IL12RB1: variants seen among roughly 807,000 people sequenced by gnomAD.
The protein encoded by IL12RB1 is interleukin 12 receptor subunit beta 1.
A neutral mutation model predicts 94.4 loss-of-function variants in IL12RB1; 64 were observed. The ratio of observed to expected loss-of-function variants is 0.68; its 90% CI spans 0.55 to 0.83. The LOEUF is 0.83. Ranked by LOEUF, IL12RB1 falls within the 40% of genes least tolerant of loss-of-function variation. The probability of loss-of-function intolerance (pLI) is 0.00; values close to 1 mark genes in which losing one functional copy is unlikely to be tolerated. For synonymous variants in IL12RB1, 362 were observed against 355.5 expected, an observed-to-expected ratio of 1.02 and a Z score of -0.21; for missense variants, 814 against 855.6, an observed-to-expected ratio of 0.95 and a Z score of 0.61.
intron 12 of IL12RB1, among the ~76,000 whole-genome samples, chr19:18,065,711 T>A (rs1196517633): frequency 6.6e-6 from 1 of 151,796 alleles, no homozygotes; most frequent in Non-Finnish European, 1.5e-5. Context: ...CCCAGCTACT[T>A]GGGAGGCTGA....
chr19:18,086,975 C>T (rs1316479456), upstream of IL12RB1: 2 of 1,506,810 alleles, frequency 1.3e-6, no homozygotes, highest in Admixed American at 2.0e-5. Flanking sequence ...TGTCACAGCC[C>T]ATCCCTAAGG....
In IL12RB1 at chr19:18,068,531, AAG is replaced by A. The variant is rs771616497; in HGVS notation, c.1190-7_1190-6del. 33 of 1,611,788 alleles carry A rather than the reference AAG, an allele frequency of 2.0e-5. No individual in the cohort carries two copies. The highest frequency in any genetic ancestry group is 8.8e-5 in the South Asian group (8 of 91,036). On this transcript the variant is annotated splice_polypyrimidine_tract_variant and splice_region_variant and intron_variant, in intron 10 of 16. Coordinates refer to ENST00000593993, the MANE Select transcript of IL12RB1 (RefSeq NM_005535.3). The stretch of plus-strand genomic sequence containing the variant: ...CTCGACTCCAGCTGTAGGTTGCTGG[AAG>A]GATAAGCAAAGGCCAGGCCATTCAG...
intron 5 of IL12RB1, among the ~76,000 whole-genome samples, chr19:18,076,990 G>A (rs17883695): frequency 1.8e-3 from 268 of 152,192 alleles, no homozygotes; most frequent in African/African-American, 6.1e-3. Context: ...AAGGATATAT[G>A]GGCGTTCTCT....
intron 1 of IL12RB1, 80 bp downstream of exon 1, chr19:18,086,680 C>A: frequency 7.0e-7 from 1 of 1,422,450 alleles, no homozygotes; most frequent in South Asian, 1.2e-5. Context: ...CCAACCCACA[C>A]AGCAGGCCCA....
Position 18,059,406 on chromosome 19 carries a change from C to T in IL12RB1, c.*202G>A, listed in dbSNP as rs1290487729. The T allele has an allele frequency of 7.9e-6, 5 of 632,252 alleles. No individual in the cohort carries two copies. Among genetic ancestry groups the T allele is most frequent in the Non-Finnish European group, 1.4e-5 (5 of 349,506 alleles). 39.2% of individuals were successfully genotyped at this position (632,252 alleles called of 1,614,324 possible). On this transcript the variant is annotated 3_prime_UTR_variant, in exon 17 of 17. Coordinates refer to ENST00000593993, the MANE Select transcript of IL12RB1 (RefSeq NM_005535.3). ...GGGTCTGCTCCTGCCCCACGGATGC[C>T]AGGCCCAGCAGGGTGCAGCAGCTTC...
At chr19:18,064,164 G>A (rs2034393064) in intron 12 of IL12RB1, among the ~76,000 whole-genome samples, 154 bp from the exon 13 acceptor site, 1 of 133,240 alleles carries the variant, frequency 7.5e-6, no homozygotes, top group Non-Finnish European at 1.6e-5. Flanking sequence ...TTTTGAGACG[G>A]AGTCTTGCTC....
At chr19:18,074,977 G>C (rs926966160) in intron 7 of IL12RB1, among the ~76,000 whole-genome samples, 3 of 151,640 alleles carry the variant, frequency 2.0e-5, no homozygotes, top group Admixed American at 6.6e-5. Flanking sequence ...GCGTGAACCC[G>C]GGAGGCGGAG....
chr19:18,060,857 C>T (rs1378794021), intron 15 of IL12RB1, among the ~76,000 whole-genome samples: 1 of 152,164 alleles, frequency 6.6e-6, no homozygotes, highest in Non-Finnish European at 1.5e-5. Flanking sequence ...AGACCCCAAT[C>T]GCTGGATTCA....
chr19:18,088,781 A>G (rs2036498509), upstream of IL12RB1, among the ~76,000 whole-genome samples: 1 of 151,802 alleles, frequency 6.6e-6, no homozygotes, highest in Non-Finnish European at 1.5e-5. Flanking sequence ...TGTAATTCCA[A>G]CACTTTGGGA....
upstream of IL12RB1, among the ~76,000 whole-genome samples, chr19:18,091,868 C>CTTTTT (rs1264996682): frequency 5.1e-4 from 61 of 120,410 alleles, no homozygotes; most frequent in Non-Finnish European, 6.5e-4. Flanking sequence ...CCTGGCTTTT[C>CTTTTT]TTTTTTTTTT....
At chr19:18,068,883 G>A (rs2034802176) in intron 10 of IL12RB1, among the ~76,000 whole-genome samples, 1 of 151,744 alleles carries the variant, frequency 6.6e-6, no homozygotes, top group African/African-American at 2.4e-5. Flanking sequence ...TGAGTAGCTG[G>A]GATTTACAGG....
At position 18,076,340 on chromosome 19, in the gene IL12RB1, C is replaced by T. The variant is rs1376647034; in HGVS notation, c.550-13G>A. ...GTCCGCAGTCGCCCTAGAATAAAAA[C>T]ATATTCATATATTGTTTTGCATTTT... is the stretch of plus-strand genomic sequence containing the variant. On this transcript the variant is annotated splice_polypyrimidine_tract_variant and intron_variant, in intron 5 of 16. Transcript: ENST00000593993. The T allele has an allele frequency of 2.3e-6, 3 of 1,318,384 alleles. No homozygotes were observed. The highest frequency in any genetic ancestry group is 1.2e-5 in the South Asian group (1 of 85,174). The allele number at this position is 1,318,384 out of a possible 1,614,324, so 81.7% of individuals were successfully genotyped here.
chr19:18,093,238 G>T (rs2036716012), intron 1 of IL12RB1, among the ~76,000 whole-genome samples: 1 of 151,834 alleles, frequency 6.6e-6, no homozygotes, highest in Non-Finnish European at 1.5e-5. Flanking sequence ...TCCAGGAGGC[G>T]GAGGTTGCAG....
At chr19:18,080,064 C>CT (rs1225941603) in intron 4 of IL12RB1, among the ~76,000 whole-genome samples, 17 of 148,790 alleles carry the variant, frequency 1.1e-4, no homozygotes, top group East Asian at 2.0e-4. Context: ...TCTTTTTTTT[C>CT]TTTTTTTTTG....
rs117720235 is a variant in IL12RB1, at chr19:18,082,208, C to T, written c.181G>A (p.Glu61Lys). The stretch of plus-strand genomic sequence containing the variant: ...GGACCCTCATACTGCCAGGAGCACT[C>T]GTAACGATCACTGGATATCCGATAG... Reference protein sequence around the residue: ...RCYRISSDRYECSWQYEGPTA... With the variant: ...RCYRISSDRYKCSWQYEGPTA... Residue 61 changes from glutamate (E) to lysine (K), a missense_variant, in exon 3 of 17, where the codon GAG becomes AAG. Glu to Lys is a moderately conservative substitution (Grantham distance 56, BLOSUM62 1). Transcript: ENST00000593993. 33 of 1,613,916 alleles carry T rather than the reference C, an allele frequency of 2.0e-5. No individual in the cohort carries two copies. Among genetic ancestry groups the T allele is most frequent in the African/African-American group, 4.0e-5 (3 of 75,008 alleles).
At chr19:18,066,348 C>A (rs1888131452) in intron 12 of IL12RB1, among the ~76,000 whole-genome samples, 194 bp downstream of exon 12, 1 of 152,088 alleles carries the variant, frequency 6.6e-6, no homozygotes, top group Non-Finnish European at 1.5e-5. Flanking sequence ...CTCAGGTGAT[C>A]CGCCCGCCTT....
chr19:18,075,142 C>A (rs2035367322), intron 7 of IL12RB1, among the ~76,000 whole-genome samples: 1 of 151,974 alleles, frequency 6.6e-6, no homozygotes, highest in African/African-American at 2.4e-5. Flanking sequence ...CCGGATGCCA[C>A]ATTGTCAGGG....
At chr19:18,088,096 TAAAG>T (rs1400434816), upstream of IL12RB1, among the ~76,000 whole-genome samples, 1 of 151,612 alleles carries the variant, frequency 6.6e-6, no homozygotes, top group Admixed American at 6.6e-5. Context: ...CTATAAAAAA[TAAAG>T]AATTAGGCCA....
intron 9 of IL12RB1, 37 bp downstream of exon 9, chr19:18,072,075 G>C (rs1055393857): frequency 2.2e-6 from 3 of 1,373,100 alleles, no homozygotes; most frequent in Admixed American, 3.4e-5. Context: ...CAGCTCTGAG[G>C]GGCCCTCATA....
Sources: allele counts gnomAD v4.1 joint callset (sites outside exome capture counted in the v4.1 genomes callset), GRCh38; gene constraint gnomAD v4.1.1; transcripts MANE v1.5; gene names NCBI Gene and HGNC (gene_info 2026-07-23, HGNC 2026-07-21).